ZBTB7C: variants seen among roughly 807,000 people sequenced by gnomAD.
ZBTB7C encodes the protein zinc finger and BTB domain-containing protein 7C.
A neutral mutation model predicts 25.7 loss-of-function variants in ZBTB7C; 8 were observed. That is an observed-to-expected ratio of 0.31 (90% CI 0.18 to 0.56). The LOEUF is 0.56. Ranked by LOEUF, ZBTB7C falls within the 20% of genes least tolerant of loss-of-function variation. The pLI is 0.91. For missense variants in ZBTB7C, 824 were observed against 855.2 expected (o/e 0.96, Z 0.46); for synonymous variants, 394 against 369.0 (o/e 1.07, Z -0.78).
chr18:48,335,533 ATC>A, intron 2 of ZBTB7C, among the ~76,000 whole-genome samples: 1 of 152,310 alleles, frequency 6.6e-6, no homozygotes, highest in East Asian at 1.9e-4. Context: ...GATTCAAGAT[ATC>A]TCTTATTATT....
At chr18:48,331,729 C>A (rs2046346560) in intron 2 of ZBTB7C, among the ~76,000 whole-genome samples, 2 of 152,156 alleles carry the variant, frequency 1.3e-5, no homozygotes, top group Non-Finnish European at 2.9e-5. Context: ...TGTACTGTCA[C>A]TTTCCCGAAG....
At chr18:48,169,994 C>G (rs1001480279) in intron 3 of ZBTB7C, 26 of 152,430 alleles carry the variant, frequency 1.7e-4, no homozygotes, top group African/African-American at 6.3e-4. Flanking sequence ...TCTCCCACCC[C>G]TCACCTCTCC....
intron 3 of ZBTB7C, among the ~76,000 whole-genome samples, chr18:48,171,592 C>T (rs1468091693): frequency 1.3e-5 from 2 of 152,252 alleles, no homozygotes; most frequent in African/African-American, 4.8e-5. Flanking sequence ...CCTGCAGCCC[C>T]AGCCCCAGCA....
chr18:48,383,817 A>C (rs894980165), intron 1 of ZBTB7C, among the ~76,000 whole-genome samples: 3 of 150,072 alleles, frequency 2.0e-5, no homozygotes, highest in African/African-American at 7.4e-5. Flanking sequence ...ATGGAGCCTC[A>C]TGACTTCCCT....
chr18:48,173,844 TC>T (rs1204192507), intron 3 of ZBTB7C, among the ~76,000 whole-genome samples: 1 of 152,186 alleles, frequency 6.6e-6, no homozygotes, highest in Non-Finnish European at 1.5e-5. Flanking sequence ...CGGGGACTGA[TC>T]TTGATGCCTC....
chr18:48,088,661 C>A (rs992272202), intron 3 of ZBTB7C, among the ~76,000 whole-genome samples: 5 of 80,026 alleles, frequency 6.2e-5, no homozygotes, highest in Non-Finnish European at 2.4e-5. Flanking sequence ...AACCCTGTAT[C>A]TACTAAAAAT....
intron 2 of ZBTB7C, among the ~76,000 whole-genome samples, chr18:48,251,696 A>G (rs2043861887): frequency 1.3e-5 from 2 of 152,230 alleles, no homozygotes; most frequent in Non-Finnish European, 2.9e-5. Context: ...CAATCTGCAT[A>G]CTAAAAGATC....
chr18:48,270,619 G>T (rs2044454989), intron 2 of ZBTB7C, among the ~76,000 whole-genome samples: 1 of 150,574 alleles, frequency 6.6e-6, no homozygotes, highest in African/African-American at 2.4e-5. Context: ...GAACCCAGGA[G>T]GCAGAGGTTG....
chr18:48,246,101 T>C (rs1420549635), intron 2 of ZBTB7C, among the ~76,000 whole-genome samples: 2 of 152,104 alleles, frequency 1.3e-5, no homozygotes, highest in Non-Finnish European at 2.9e-5. Context: ...GTGTTTCTAG[T>C]GTGAATATGG....
chr18:48,115,584 C>A (rs2039409555), intron 3 of ZBTB7C, among the ~76,000 whole-genome samples: 1 of 152,194 alleles, frequency 6.6e-6, no homozygotes, highest in Non-Finnish European at 1.5e-5. Context: ...CACACACACA[C>A]CTGCATCTTG....
intron 3 of ZBTB7C, among the ~76,000 whole-genome samples, chr18:48,133,113 T>TGGCCTAGG (rs2040037199): frequency 1.3e-5 from 2 of 152,380 alleles, no homozygotes; most frequent in South Asian, 4.1e-4. Flanking sequence ...CCGGGGTTCC[T>TGGCCTAGG]GGCCTAGGAG....
At chr18:48,096,662 A>G (rs897810769) in intron 3 of ZBTB7C, among the ~76,000 whole-genome samples, 2 of 152,068 alleles carry the variant, frequency 1.3e-5, no homozygotes, top group Non-Finnish European at 2.9e-5. Flanking sequence ...AGGTGAAAAG[A>G]TGCTCTCACT....
chr18:48,198,307 C>G (rs1172815444), intron 2 of ZBTB7C, among the ~76,000 whole-genome samples: 2 of 152,184 alleles, frequency 1.3e-5, no homozygotes, highest in Non-Finnish European at 2.9e-5. Flanking sequence ...TGGTGCACAG[C>G]TGTCACCTGG....
chr18:48,144,997 A>T (rs566340411), intron 3 of ZBTB7C, among the ~76,000 whole-genome samples: 5 of 152,250 alleles, frequency 3.3e-5, no homozygotes, highest in Non-Finnish European at 5.9e-5. Flanking sequence ...GACCCTCAAG[A>T]GGAGGCATTC....
chr18:48,294,533 G>A (rs947669782), intron 2 of ZBTB7C, among the ~76,000 whole-genome samples: 2 of 152,148 alleles, frequency 1.3e-5, no homozygotes, highest in African/African-American at 4.8e-5. Context: ...ACAATGCTGG[G>A]TGCAGCCCAG....
At chr18:48,251,109 G>A (rs765435642) in intron 2 of ZBTB7C, among the ~76,000 whole-genome samples, 3 of 151,794 alleles carry the variant, frequency 2.0e-5, no homozygotes, top group African/African-American at 4.8e-5. Flanking sequence ...GTGTAGTCCC[G>A]GCTACTCAGG....
intron 2 of ZBTB7C, among the ~76,000 whole-genome samples, chr18:48,263,638 C>A (rs1037846284): frequency 6.6e-6 from 1 of 150,724 alleles, no homozygotes; most frequent in African/African-American, 2.4e-5. Flanking sequence ...GCTCTTGACA[C>A]TGGGAACTGT....
At chr18:48,256,020 A>C (rs958379475) in intron 2 of ZBTB7C, among the ~76,000 whole-genome samples, 9 of 152,198 alleles carry the variant, frequency 5.9e-5, no homozygotes, top group Admixed American at 2.6e-4. Flanking sequence ...GACAACTTCA[A>C]GCAGCTTGTT....
At chr18:48,049,740 A>T (rs1409000336) in intron 3 of ZBTB7C, among the ~76,000 whole-genome samples, 1 of 152,118 alleles carries the variant, frequency 6.6e-6, no homozygotes, top group Non-Finnish European at 1.5e-5. Context: ...TGGGAACTGG[A>T]TTTCTGCTTG....
Sources: allele counts gnomAD v4.1 joint callset (sites outside exome capture counted in the v4.1 genomes callset), GRCh38; gene constraint gnomAD v4.1.1; transcripts MANE v1.5; gene names NCBI Gene and HGNC (gene_info 2026-07-23, HGNC 2026-07-21).